The following ADAM32 variants were observed in gnomAD, a reference collection of about 807,000 sequenced individuals.
ADAM32 encodes the protein disintegrin and metalloproteinase domain-containing protein 32.
Under a neutral mutation model 114.9 loss-of-function variants are expected in ADAM32, and 89 were observed. The observed-to-expected ratio is 0.77, with a 90% confidence interval of 0.65 to 0.92. The LOEUF (loss-of-function observed/expected upper bound fraction) is 0.92, where lower values mean the gene tolerates loss of function less well. ADAM32 is among the 40% of genes least tolerant of loss of function. The pLI, the probability that ADAM32 is intolerant of heterozygous loss-of-function variation, is 0.00. For missense variants in ADAM32, 870 were observed against 932.8 expected (o/e 0.93, Z 0.88); for synonymous variants, 285 against 307.5 (o/e 0.93, Z 0.77).
intron 16 of ADAM32, among the ~76,000 whole-genome samples, chr8:39,243,391 T>C (rs1810691235): frequency 6.6e-6 from 1 of 152,144 alleles, no homozygotes; most frequent in Non-Finnish European, 1.5e-5. Context: ...CTCAACTAAA[T>C]ACTAGCTAAC....
Position 39,260,232 on chromosome 8 carries a change from A to G in ADAM32, c.2162+2889A>G, listed in dbSNP as rs574370308. ...ACACTTAAGATCTACTCCCTTAGCA[A>G]ATGTCAAGTTTTTTACGTATAAGGT... is the stretch of plus-strand genomic sequence containing the variant. On this transcript the variant is annotated intron_variant, in intron 19 of 24. Coordinates refer to ENST00000379907, the MANE Select transcript of ADAM32 (RefSeq NM_145004.7). Among the ~76,000 whole-genome samples, 19 of 152,230 alleles carry G rather than the reference A, an allele frequency of 1.2e-4. No homozygotes were observed. In the South Asian group the frequency reaches 3.5e-3, roughly 28 times the overall value.
intron 3 of ADAM32, among the ~76,000 whole-genome samples, chr8:39,137,789 G>A (rs1802895690): frequency 2.0e-5 from 3 of 146,810 alleles, no homozygotes; most frequent in East Asian, 4.0e-4. Context: ...AAAAAAAGGT[G>A]TAAACAAGTG....
chr8:39,148,699 A>G (rs1232360022), intron 4 of ADAM32, among the ~76,000 whole-genome samples: 1 of 152,186 alleles, frequency 6.6e-6, no homozygotes, highest in Non-Finnish European at 1.5e-5. Context: ...ATTAAATTAG[A>G]TATGTTGCTT....
At chr8:39,202,218 G>A (rs1807472935) in intron 11 of ADAM32, among the ~76,000 whole-genome samples, 1 of 152,140 alleles carries the variant, frequency 6.6e-6, no homozygotes, top group South Asian at 2.1e-4. Context: ...GCTTTTTCTT[G>A]TACCTCTGGT....
At chr8:39,110,005 T>TG (rs1554591698) in intron 1 of ADAM32, among the ~76,000 whole-genome samples, 2 of 152,038 alleles carry the variant, frequency 1.3e-5, no homozygotes, top group Non-Finnish European at 2.9e-5. Flanking sequence ...ATGGACTTTT[T>TG]TTTTACTTAA....
intron 20 of ADAM32, among the ~76,000 whole-genome samples, chr8:39,273,529 A>AC (rs1554629386): frequency 6.6e-6 from 1 of 150,826 alleles, no homozygotes; most frequent in Admixed American, 6.6e-5. Flanking sequence ...TCCACCTCAA[A>AC]AAACAAACAA....
intron 4 of ADAM32, among the ~76,000 whole-genome samples, chr8:39,149,302 G>A (rs1803683496): frequency 6.6e-6 from 1 of 152,048 alleles, no homozygotes; most frequent in Admixed American, 6.6e-5. Flanking sequence ...AAATGTCCCT[G>A]TTTATCTCTA....
chr8:39,267,985 C>G (rs531026690), intron 19 of ADAM32, among the ~76,000 whole-genome samples: 68 of 152,296 alleles, frequency 4.5e-4, no homozygotes, highest in Admixed American at 7.8e-4. Flanking sequence ...GCCTTGAAAG[C>G]AGGGTACAAA....
At chr8:39,107,719 T>A, upstream of ADAM32, 1 of 1,549,496 alleles carries the variant, frequency 6.5e-7, no homozygotes, top group Non-Finnish European at 8.7e-7. Flanking sequence ...CGTCCCCGCG[T>A]CCCTGGCAAT....
chr8:39,150,472 G>A (rs1227181097), intron 5 of ADAM32, among the ~76,000 whole-genome samples: 2 of 152,088 alleles, frequency 1.3e-5, no homozygotes, highest in African/African-American at 2.4e-5. Context: ...TTCAGACTGA[G>A]GAGGCAAATT....
chr8:39,118,418 G>A (rs1424605653), intron 2 of ADAM32, among the ~76,000 whole-genome samples: 1 of 152,012 alleles, frequency 6.6e-6, no homozygotes, highest in Non-Finnish European at 1.5e-5. Context: ...AGAATTAAGT[G>A]TTTTATCTGA....
chr8:39,259,782 A>G (rs773262360), intron 19 of ADAM32, among the ~76,000 whole-genome samples: 1 of 152,252 alleles, frequency 6.6e-6, no homozygotes, highest in Non-Finnish European at 1.5e-5. Flanking sequence ...TAAAGACAAA[A>G]AGTTGCAAAA....
chr8:39,117,007 C>T (rs7818055), intron 1 of ADAM32, among the ~76,000 whole-genome samples: 71,830 of 151,828 alleles, frequency 0.47, 17,784 homozygotes, highest in African/African-American at 0.63. Context: ...CCTCAGCCTC[C>T]GGAGTAGCTG....
Position 39,277,909 on chromosome 8 carries a change from C to T in ADAM32, c.2279+2043C>T, listed in dbSNP as rs573013208. Among the ~76,000 whole-genome samples the T allele has an allele frequency of 5.3e-4, 81 of 152,284 alleles. 1 individual carries two copies. In the South Asian group the frequency reaches 0.01, roughly 19 times the overall value. Reference sequence around the variant, plus strand: ...AGGCCCTCTGCCTTTTCAAGTGAGGCGGCTGATCTCCACCAGTGAGGGCGA... The same window carrying T: ...AGGCCCTCTGCCTTTTCAAGTGAGGTGGCTGATCTCCACCAGTGAGGGCGA... On this transcript the variant is annotated intron_variant, in intron 22 of 24. Coordinates refer to ENST00000379907, the MANE Select transcript of ADAM32 (RefSeq NM_145004.7).
intron 14 of ADAM32, among the ~76,000 whole-genome samples, chr8:39,225,992 T>C (rs1809342672): frequency 6.6e-6 from 1 of 152,044 alleles, no homozygotes; most frequent in South Asian, 2.1e-4. Context: ...TCAAAATAAT[T>C]GTTCTAAGGA....
chr8:39,283,902 T>C (rs1046112156), intron 24 of ADAM32, among the ~76,000 whole-genome samples: 8 of 151,780 alleles, frequency 5.3e-5, no homozygotes, highest in African/African-American at 1.9e-4. Flanking sequence ...GCCTCCTGAG[T>C]AGCTGGGATT....
chr8:39,182,794 G>T (rs1310884854), intron 10 of ADAM32, among the ~76,000 whole-genome samples: 1 of 152,142 alleles, frequency 6.6e-6, no homozygotes, highest in Non-Finnish European at 1.5e-5. Context: ...CGTAATCCTT[G>T]TGTCCCTATG....
intron 14 of ADAM32, among the ~76,000 whole-genome samples, chr8:39,228,923 T>G (rs2129449144): frequency 6.6e-6 from 1 of 152,330 alleles, no homozygotes. Flanking sequence ...TCTTAAGAGC[T>G]GTGAGACAGA....
intron 14 of ADAM32, among the ~76,000 whole-genome samples, chr8:39,229,498 G>A (rs1029684975): frequency 3.9e-5 from 6 of 152,128 alleles, no homozygotes; most frequent in African/African-American, 1.4e-4. Context: ...GTAAAGGGGT[G>A]GAAAAAGGCA....
Sources: allele counts gnomAD v4.1 joint callset (sites outside exome capture counted in the v4.1 genomes callset), GRCh38; gene constraint gnomAD v4.1.1; transcripts MANE v1.5; gene names NCBI Gene and HGNC (gene_info 2026-07-23, HGNC 2026-07-21).